CTNNA3: variants seen among roughly 807,000 people sequenced by gnomAD.
The protein encoded by CTNNA3 is catenin alpha-3.
Under a neutral mutation model 95.7 loss-of-function variants are expected in CTNNA3, and 76 were observed. The ratio of observed to expected loss-of-function variants is 0.79; its 90% CI spans 0.66 to 0.96. The LOEUF is 0.96. CTNNA3 is among the 40% of genes least tolerant of loss of function. The pLI is 0.00. For synonymous variants in CTNNA3, 431 were observed against 374.4 expected, an observed-to-expected ratio of 1.15 and a Z score of -1.74; for missense variants, 1,191 against 1,089.8, an observed-to-expected ratio of 1.09 and a Z score of -1.31.
At chr10:67,139,000 T>G (rs1461940755) in intron 7 of CTNNA3, among the ~76,000 whole-genome samples, 1 of 152,118 alleles carries the variant, frequency 6.6e-6, no homozygotes, top group Non-Finnish European at 1.5e-5. Flanking sequence ...AAATACAAAA[T>G]AAAATCATAC....
chr10:67,115,148 T>C (rs2131979442), intron 7 of CTNNA3, among the ~76,000 whole-genome samples: 1 of 152,238 alleles, frequency 6.6e-6, no homozygotes, highest in South Asian at 2.1e-4. Flanking sequence ...TTCAAGATTA[T>C]GTCAACACTG....
intron 12 of CTNNA3, among the ~76,000 whole-genome samples, chr10:66,290,110 A>T (rs751605617): frequency 1.3e-5 from 2 of 152,026 alleles, no homozygotes; most frequent in Non-Finnish European, 2.9e-5. Context: ...GTAGTAGGAG[A>T]AGTTGGGTGG....
At chr10:66,255,774 C>G (rs1316791156) in intron 13 of CTNNA3, among the ~76,000 whole-genome samples, 2 of 152,176 alleles carry the variant, frequency 1.3e-5, no homozygotes, top group East Asian at 3.9e-4. Flanking sequence ...GGGAAAAATT[C>G]GAATTCATGC....
intron 5 of CTNNA3, among the ~76,000 whole-genome samples, chr10:67,468,367 A>T (rs192116890): frequency 0.015 from 2,192 of 142,402 alleles, 35 homozygotes; most frequent in African/African-American, 0.048. Context: ...TGTTCCTTTT[A>T]AAAAAAAAAT....
chr10:66,082,487 A>G (rs1488191902), intron 14 of CTNNA3, among the ~76,000 whole-genome samples: 2 of 152,158 alleles, frequency 1.3e-5, no homozygotes, highest in African/African-American at 2.4e-5. Flanking sequence ...GGACTAGGAG[A>G]TGTAACAACT....
At chr10:66,015,808 A>C (rs1041610810) in intron 15 of CTNNA3, among the ~76,000 whole-genome samples, 2 of 152,174 alleles carry the variant, frequency 1.3e-5, no homozygotes, top group Non-Finnish European at 2.9e-5. Context: ...CACATATAAC[A>C]CACATTGCTA....
intron 7 of CTNNA3, among the ~76,000 whole-genome samples, chr10:67,160,304 G>A (rs1400875394): frequency 6.6e-6 from 1 of 152,058 alleles, no homozygotes; most frequent in Non-Finnish European, 1.5e-5. Flanking sequence ...ATGGAAAACA[G>A]CATGGCATTT....
intron 3 of CTNNA3, among the ~76,000 whole-genome samples, chr10:67,577,113 C>T (rs886184240): frequency 2.7e-4 from 41 of 150,558 alleles, no homozygotes; most frequent in Non-Finnish European, 5.3e-4. Flanking sequence ...GTTCTAGATC[C>T]CTGAGGAATC....
At chr10:66,134,631 T>C (rs1210642261) in intron 13 of CTNNA3, among the ~76,000 whole-genome samples, 2 of 152,104 alleles carry the variant, frequency 1.3e-5, no homozygotes, top group African/African-American at 4.8e-5. Flanking sequence ...ATAGGGTAGA[T>C]AATTAGTCAT....
chr10:66,837,459 G>A (rs758902465), intron 7 of CTNNA3: 1 of 152,110 alleles, frequency 6.6e-6, no homozygotes, highest in Non-Finnish European at 1.5e-5. Flanking sequence ...CCTTCCTGAA[G>A]AGCTTAACCT....
chr10:66,135,466 C>A (rs1037240048), intron 13 of CTNNA3, among the ~76,000 whole-genome samples: 13 of 152,126 alleles, frequency 8.5e-5, no homozygotes, highest in African/African-American at 3.1e-4. Context: ...TTTCATCAAT[C>A]CCATCTGTAA....
At chr10:66,792,058 G>T (rs993933106) in intron 7 of CTNNA3, among the ~76,000 whole-genome samples, 2 of 152,062 alleles carry the variant, frequency 1.3e-5, no homozygotes, top group African/African-American at 2.4e-5. Context: ...TTTACCTACA[G>T]AAAATATTTC....
chr10:66,911,434 A>G (rs1354228470), intron 7 of CTNNA3, among the ~76,000 whole-genome samples: 1 of 152,194 alleles, frequency 6.6e-6, no homozygotes, highest in Admixed American at 6.5e-5. Flanking sequence ...TTTCCTTTCT[A>G]TTTAACAAAA....
intron 10 of CTNNA3, among the ~76,000 whole-genome samples, chr10:66,540,222 A>G (rs1001403452): frequency 6.6e-6 from 1 of 152,170 alleles, no homozygotes; most frequent in African/African-American, 2.4e-5. Flanking sequence ...ATCTATGTAG[A>G]AAAACTAATT....
rs777538992 is a variant in CTNNA3, at chr10:66,115,579, TGATA to T, written c.1885-12334_1885-12331del. 1.1e-3 allele frequency among the ~76,000 whole-genome samples: 135 copies of T among 125,926 alleles called. 1 individual carries two copies. The highest frequency in any genetic ancestry group is 3.5e-3 in the African/African-American group (124 of 34,942). The allele number at this position is 125,926 out of a possible 152,430, so 82.6% of individuals were successfully genotyped here. A position where few individuals can be genotyped will look rare whatever the true frequency, so the allele number is the denominator to read the frequency against. ...ATAGATAGATAGATAGACAGATAGATGATAGATAGATAGAGATAGAGATAGAGAT... is the reference window on the plus strand; with the variant it reads ...ATAGATAGATAGATAGACAGATAGATGATAGATAGAGATAGAGATAGAGAT... On this transcript the variant is annotated intron_variant, in intron 13 of 17. Coordinates refer to ENST00000433211, the MANE Select transcript of CTNNA3 (RefSeq NM_013266.4).
intron 9 of CTNNA3, among the ~76,000 whole-genome samples, chr10:66,650,612 T>G (rs1428300855): frequency 6.6e-6 from 1 of 152,134 alleles, no homozygotes. Context: ...CCGGAGTTCA[T>G]TCCTTCAGAT....
At chr10:67,680,507 A>T (rs962950802) in intron 1 of CTNNA3, among the ~76,000 whole-genome samples, 1 of 152,190 alleles carries the variant, frequency 6.6e-6, no homozygotes, top group Non-Finnish European at 1.5e-5. Context: ...TCCAGTGTCC[A>T]GCCCAAAAGC....
intron 16 of CTNNA3, among the ~76,000 whole-genome samples, chr10:65,979,149 T>C: frequency 6.6e-6 from 1 of 152,160 alleles, no homozygotes; most frequent in Non-Finnish European, 1.5e-5. Flanking sequence ...TTGTCTTGAG[T>C]TTAAGAATTG....
chr10:67,308,134 C>A (rs186586810), intron 5 of CTNNA3, among the ~76,000 whole-genome samples: 1 of 152,284 alleles, frequency 6.6e-6, no homozygotes, highest in African/African-American at 2.4e-5. Flanking sequence ...AATTATCATT[C>A]CTTCCCCTCT....
Sources: allele counts gnomAD v4.1 joint callset (sites outside exome capture counted in the v4.1 genomes callset), GRCh38; gene constraint gnomAD v4.1.1; transcripts MANE v1.5; gene names NCBI Gene and HGNC (gene_info 2026-07-23, HGNC 2026-07-21).